The following PCDHA1 variants were observed in gnomAD, a reference collection of about 807,000 sequenced individuals.
PCDHA1 encodes the protein protocadherin alpha-1.
PCDHA1 carries 42 observed loss-of-function variants against 61.3 expected under a neutral mutation model. The observed-to-expected ratio is 0.69, with a 90% CI of 0.54 to 0.89. The LOEUF is 0.89. Among genes scored for constraint, PCDHA1 ranks in the 40% least tolerant of loss-of-function variants. The pLI is 0.00. For missense variants in PCDHA1, 1,256 were observed against 1,235.3 expected, an observed-to-expected ratio of 1.02 and a Z score of -0.25; for synonymous variants, 610 against 553.8, an observed-to-expected ratio of 1.10 and a Z score of -1.43.
At chr5:141,003,467 A>G (rs1262411574) in intron 3 of PCDHA1, among the ~76,000 whole-genome samples, 1 of 152,036 alleles carries the variant, frequency 6.6e-6, no homozygotes, top group Non-Finnish European at 1.5e-5. Context: ...GTGCACCACC[A>G]CAGTCTCGCT....
chr5:140,834,243 A>T, intron 1 of PCDHA1: 1 of 838,028 alleles, frequency 1.2e-6, no homozygotes, highest in Non-Finnish European at 1.9e-6. Context: ...TCCTTTTCGC[A>T]CTGGAAAGAC....
intron 1 of PCDHA1, among the ~76,000 whole-genome samples, chr5:140,839,736 C>T (rs1046330688): frequency 6.6e-6 from 1 of 151,778 alleles, no homozygotes; most frequent in African/African-American, 2.4e-5. Context: ...CAGAAAATAC[C>T]CTTATTTGCC....
intron 1 of PCDHA1, chr5:140,794,987 G>T: frequency 1.9e-6 from 3 of 1,613,184 alleles, no homozygotes; most frequent in Non-Finnish European, 1.7e-6. Context: ...ATCAGAAGGG[G>T]CCGAGGGGCC....
intron 1 of PCDHA1, chr5:140,865,230 G>A (rs1393795782): frequency 6.6e-6 from 1 of 152,136 alleles, no homozygotes; most frequent in Non-Finnish European, 1.5e-5. Flanking sequence ...GGATCCCAGA[G>A]AACACGTATT....
At chr5:140,824,610 G>GTTGT (rs1768193318) in intron 1 of PCDHA1, 2 of 95,104 alleles carry the variant, frequency 2.1e-5, no homozygotes, top group African/African-American at 9.7e-5. Flanking sequence ...GCTAATTAAA[G>GTTGT]TTTTTTTTTT....
intron 1 of PCDHA1, chr5:140,967,112 C>G: frequency 6.2e-7 from 1 of 1,612,994 alleles, no homozygotes; most frequent in Non-Finnish European, 8.5e-7. Context: ...GCAGCGGCCT[C>G]GCTGCCTGCT....
chr5:140,815,972 C>A (rs2126668419), intron 1 of PCDHA1: 1 of 152,124 alleles, frequency 6.6e-6, no homozygotes, highest in Non-Finnish European at 1.5e-5. Context: ...TTCTTTTGTA[C>A]GTGATGAGGC....
chr5:140,923,033 A>T (rs6895136), intron 1 of PCDHA1, among the ~76,000 whole-genome samples: 8,640 of 152,308 alleles, frequency 0.057, 727 homozygotes, highest in African/African-American at 0.19. Flanking sequence ...CTCTATTACT[A>T]CATGTATAGT....
In PCDHA1 at chr5:140,945,865, A is replaced by T. The variant is rs184952981; in HGVS notation, c.2395-33084A>T. ...ATTAAAGACTTAAACATAGACCTGAAATTGTAAAACTAACAAAGAAAACAC... is the reference window on the plus strand; with the variant it reads ...ATTAAAGACTTAAACATAGACCTGATATTGTAAAACTAACAAAGAAAACAC... On this transcript the variant is annotated intron_variant, in intron 1 of 3. Coordinates refer to ENST00000504120, the MANE Select transcript of PCDHA1 (RefSeq NM_018900.4). Among the ~76,000 whole-genome samples, 23 of 152,290 alleles carry T rather than the reference A, an allele frequency of 1.5e-4. No individual in the cohort carries two copies. The East Asian group carries it at 4.2e-3, about 28-fold the overall frequency.
At chr5:140,823,692 C>A in intron 1 of PCDHA1, 1 of 1,613,934 alleles carries the variant, frequency 6.2e-7, no homozygotes, top group South Asian at 1.1e-5. Flanking sequence ...TGGATGAGAC[C>A]GAAGCACCGC....
intron 1 of PCDHA1, chr5:140,928,846 C>A: frequency 1.2e-6 from 2 of 1,614,192 alleles, no homozygotes; most frequent in Non-Finnish European, 1.7e-6. Context: ...CTCTGTCACT[C>A]TGGGTGTGCT....
At chr5:140,945,349 T>G (rs578151486) in intron 1 of PCDHA1, among the ~76,000 whole-genome samples, 43 of 152,144 alleles carry the variant, frequency 2.8e-4, no homozygotes, top group Non-Finnish European at 4.9e-4. Context: ...TTGGAAAAAT[T>G]AATACTGTTT....
chr5:140,969,222 C>T (rs782010447), intron 1 of PCDHA1: 1 of 1,614,154 alleles, frequency 6.2e-7, no homozygotes, highest in Non-Finnish European at 8.5e-7. Flanking sequence ...GGACCAGGGC[C>T]TTCGGGAGCC....
intron 1 of PCDHA1, among the ~76,000 whole-genome samples, chr5:140,881,751 A>C (rs974973794): frequency 2.0e-5 from 3 of 152,206 alleles, no homozygotes; most frequent in African/African-American, 7.2e-5. Context: ...GGACAGTACC[A>C]CAAAAACCTA....
chr5:140,869,392 G>C (rs372231398), intron 1 of PCDHA1: 24 of 1,614,164 alleles, frequency 1.5e-5, no homozygotes, highest in African/African-American at 1.5e-4. Flanking sequence ...GGAGCTGTGC[G>C]GGCAGAGCGC....
intron 1 of PCDHA1, chr5:140,858,154 C>G (rs781842183): frequency 1.3e-6 from 2 of 1,597,814 alleles, no homozygotes; most frequent in African/African-American, 1.3e-5. Context: ...TCATCGCCAT[C>G]TGCGCGGTGT....
intron 1 of PCDHA1, among the ~76,000 whole-genome samples, chr5:140,972,667 T>G (rs1442293512): frequency 1.3e-5 from 2 of 149,086 alleles, no homozygotes; most frequent in East Asian, 3.9e-4. Context: ...CAAATTTTTT[T>G]TTTTTTTTTT....
At chr5:140,925,236 T>C (rs1398147161) in intron 1 of PCDHA1, among the ~76,000 whole-genome samples, 1 of 152,202 alleles carries the variant, frequency 6.6e-6, no homozygotes, top group African/African-American at 2.4e-5. Context: ...TACCAGAAAA[T>C]ATGTCCTGGA....
Position 140,857,830 on chromosome 5 carries a change from C to T in PCDHA1, c.2394+69146C>T, listed in dbSNP as rs782060681. ...CGGGTCACGTGGTGGCTAAGGTGCG[C>T]GCAGTGGACGCTGACTCTGGATACA... On this transcript the variant is annotated intron_variant, in intron 1 of 3. Coordinates refer to ENST00000504120, the MANE Select transcript of PCDHA1 (RefSeq NM_018900.4). The T allele has an allele frequency of 3.1e-6, 5 of 1,597,596 alleles. 1 individual carries two copies. Among genetic ancestry groups the T allele is most frequent in the African/African-American group, 2.7e-5 (2 of 74,244 alleles).
Sources: gnomAD v4.1 joint callset for allele counts (sites outside exome capture counted in the v4.1 genomes callset) on GRCh38, gnomAD v4.1.1 for gene constraint, MANE v1.5 for transcripts, NCBI Gene and HGNC (gene_info 2026-07-23, HGNC 2026-07-21) for gene names.